The following PI4KB variants were observed in gnomAD, a reference collection of about 807,000 sequenced individuals.
PI4KB encodes PtdIns 4-kinase beta.
PI4KB carries 23 observed loss-of-function variants against 81.4 expected under a neutral mutation model. The observed-to-expected ratio is 0.28, with a 90% CI of 0.20 to 0.40. PI4KB has a LOEUF of 0.40. Ranked by LOEUF, PI4KB falls within the 10% of genes least tolerant of loss-of-function variation. The probability of loss-of-function intolerance (pLI) is 1.00; values close to 1 mark genes in which losing one functional copy is unlikely to be tolerated. For missense variants in PI4KB, 651 were observed against 1,036.6 expected (o/e 0.63, Z 5.11); for synonymous variants, 381 against 406.8 (o/e 0.94, Z 0.76).
chr1:151,321,957 A>C (rs1001629321), intron 1 of PI4KB, among the ~76,000 whole-genome samples: 18 of 152,198 alleles, frequency 1.2e-4, no homozygotes, highest in Non-Finnish European at 1.9e-4. Flanking sequence ...AGGTGAAGGA[A>C]AAAGTCCTGT....
At chr1:151,299,390 A>T in intron 8 of PI4KB, among the ~76,000 whole-genome samples, 1 of 152,164 alleles carries the variant, frequency 6.6e-6, no homozygotes, top group East Asian at 1.9e-4. Context: ...TCAAATAATA[A>T]GAAAAAAGAG....
At position 151,303,457 on chromosome 1, in the gene PI4KB, T is replaced by C. The variant is rs1028652939; in HGVS notation, c.1520+84A>G. The C allele has an allele frequency of 1.2e-5, 10 of 857,096 alleles. No individual in the cohort carries two copies. The African/African-American group carries it at 1.5e-4, about 13-fold the overall frequency. The allele number at this position is 857,096 out of a possible 1,614,324, so 53.1% of individuals were successfully genotyped here. On this transcript the variant is annotated intron_variant, in intron 6 of 11. Transcript: ENST00000368873. The stretch of plus-strand genomic sequence containing the variant: ...AAAGACACAGGCCAACAACAGATGA[T>C]TGAGATGGAGAGGAAGGTAACAAAG...
At chr1:151,301,742 C>T (rs1695303720) in intron 8 of PI4KB, 102 bp downstream of exon 8, 1 of 1,086,634 alleles carries the variant, frequency 9.2e-7, no homozygotes, top group South Asian at 1.4e-5. Flanking sequence ...CCATCTTGGC[C>T]AGGCTGATCT....
At position 151,306,223 on chromosome 1, in the gene PI4KB, C is replaced by A. The variant is rs1224942136; in HGVS notation, c.1323G>T (p.Gln441His). 9 of 1,614,066 alleles carry A rather than the reference C, an allele frequency of 5.6e-6. No homozygotes were observed. The highest frequency in any genetic ancestry group is 7.6e-6 in the Non-Finnish European group (9 of 1,180,054). The change falls in exon 5 of 12, where the codon CAG (glutamine) becomes CAT (histidine). Residue 441 changes from glutamine (Q) to histidine (H), a missense_variant. This residue lies in a region of PI4KB where 246 missense variants were observed against 430.1 expected (regional missense o/e 0.57). Transcript: ENST00000368873. ...NLPECGITHEQRAGSFSTVPN... is the reference protein window; with the variant it reads ...NLPECGITHEHRAGSFSTVPN... Reference sequence around the variant, plus strand: ...GCACAGTGCTGAAGCTGCCAGCTCGCTGCTCATGGGTAATACCACATTCGG... The same window carrying A: ...GCACAGTGCTGAAGCTGCCAGCTCGATGCTCATGGGTAATACCACATTCGG...
chr1:151,298,839 A>C lies in PI4KB; in HGVS notation c.1984T>G (p.Leu662Val). Residue 662 changes from leucine to valine, a missense_variant, in exon 9 of 12, where the codon TTG (leucine) becomes GTG (valine). Physicochemically the swap from Leu to Val is conservative, Grantham distance 32. Coordinates refer to ENST00000368873, the MANE Select transcript of PI4KB (RefSeq NM_001369623.2). ...TTGACTTGCAGCAGGTAGCAGACCA[A>C]GCAGTACCCAGCACAACTTTGCACA... The part of the protein sequence containing the change: ...NFVQSCAGYC[L>V]VCYLLQVKDR... 2 of 1,614,002 alleles carry C rather than the reference A, an allele frequency of 1.2e-6. No homozygotes were observed. The highest frequency in any genetic ancestry group is 8.5e-7 in the Non-Finnish European group (1 of 1,179,920).
In PI4KB at chr1:151,315,883, T is replaced by C; in HGVS notation, c.599A>G (p.His200Arg). ...VGDAIKPYIV[H>R]RCRQSINFSL... ...AAAGTTAATGCTCTGGCGGCAACGG[T>C]GGACTATGTAGGGCTTAATGGCATC... Residue 200 changes from histidine (H) to arginine (R), a missense_variant, in exon 2 of 12, where the codon CAC becomes CGC. His to Arg is a conservative substitution (Grantham distance 29). This residue lies in a region of PI4KB where 314 missense variants were observed against 397.8 expected (regional missense o/e 0.79). Transcript: ENST00000368873. 1.9e-6 allele frequency: 3 copies of C among 1,614,128 alleles called. No homozygotes were observed.
At position 151,292,064 on chromosome 1, in the gene PI4KB, G is replaced by GA. The variant is rs1694315208; in HGVS notation, c.*787_*788insT. Reference sequence around the variant, plus strand: ...TGCCTTTTGTATCTTGGACACTGAGGCATCCGTTCATACCTCATCACCCAT... The same window carrying GA: ...TGCCTTTTGTATCTTGGACACTGAGGACATCCGTTCATACCTCATCACCCAT... On this transcript the variant is annotated 3_prime_UTR_variant, in exon 12 of 12. Coordinates refer to ENST00000368873, the MANE Select transcript of PI4KB (RefSeq NM_001369623.2). 1.3e-5 allele frequency: 2 copies of GA among 152,098 alleles called. No homozygotes were observed. The highest frequency in any genetic ancestry group is 1.3e-4 in the Admixed American group (2 of 15,262). 9.4% of individuals were successfully genotyped at this position (152,098 alleles called of 1,614,324 possible). A position where few individuals can be genotyped will look rare whatever the true frequency, so the allele number is the denominator to read the frequency against.
chr1:151,300,752 G>A (rs899894460), intron 8 of PI4KB: 4 of 152,172 alleles, frequency 2.6e-5, no homozygotes. Flanking sequence ...CGGGAGTTCT[G>A]ACCTGCTCCA....
intron 1 of PI4KB, among the ~76,000 whole-genome samples, chr1:151,320,591 C>A (rs1648710946): frequency 6.6e-6 from 1 of 152,210 alleles, no homozygotes; most frequent in Non-Finnish European, 1.5e-5. Flanking sequence ...TTAGGTAGTG[C>A]CCTCTGAGCA....
intron 9 of PI4KB, among the ~76,000 whole-genome samples, chr1:151,295,543 C>T (rs960729984): frequency 6.6e-6 from 1 of 152,198 alleles, no homozygotes. Context: ...GCCATAGCCT[C>T]TCTTTTCACT....
At chr1:151,301,402 AT>A (rs773565435) in intron 8 of PI4KB, among the ~76,000 whole-genome samples, 37 of 146,484 alleles carry the variant, frequency 2.5e-4, no homozygotes, top group African/African-American at 4.6e-4. Context: ...TTTTATTTTT[AT>A]TTTTTTTTTT....
At chr1:151,324,751 C>T in intron 1 of PI4KB, 1 of 985,454 alleles carries the variant, frequency 1.0e-6, no homozygotes, top group African/African-American at 1.7e-5. Context: ...TCACCTCTCT[C>T]TGAATTGTTC....
chr1:151,312,334 A>G (rs1647252757), intron 2 of PI4KB, among the ~76,000 whole-genome samples: 1 of 152,122 alleles, frequency 6.6e-6, no homozygotes, highest in African/African-American at 2.4e-5. Context: ...CCTAAAAGAA[A>G]AGCAAGAGAC....
chr1:151,322,628 CT>C (rs754016419), intron 1 of PI4KB, among the ~76,000 whole-genome samples: 64 of 152,154 alleles, frequency 4.2e-4, no homozygotes, highest in Non-Finnish European at 8.7e-4. Flanking sequence ...CATAGAATGG[CT>C]TTAAGAGATC....
At chr1:151,319,902 C>G (rs1370013822) in intron 1 of PI4KB, among the ~76,000 whole-genome samples, 1 of 152,152 alleles carries the variant, frequency 6.6e-6, no homozygotes, top group Non-Finnish European at 1.5e-5. Context: ...ACCTTCAACC[C>G]CGGTGACCCT....
chr1:151,305,129 A>G (rs1695653389), intron 5 of PI4KB, among the ~76,000 whole-genome samples: 2 of 151,462 alleles, frequency 1.3e-5, no homozygotes, highest in Admixed American at 1.3e-4. Context: ...CGCACCCGGC[A>G]TAATTTTTCT....
chr1:151,299,149 C>T (rs1695041168), intron 8 of PI4KB, 76 bp from the exon 9 acceptor site: 1 of 1,282,320 alleles, frequency 7.8e-7, no homozygotes, highest in Non-Finnish European at 1.1e-6. Context: ...TCTTCCCTTT[C>T]TCCAGCCTCT....
Position 151,307,746 on chromosome 1 carries a change from T to C in PI4KB, c.1010A>G (p.Lys337Arg), listed in dbSNP as rs367965535. The stretch of plus-strand genomic sequence containing the variant: ...TTTGGTGGGGAGCGTGGCCAGCCGC[T>C]TGCCGATCGCCATCAGGGACTTGAT... ...EFIKSLMAIG[K>R]RLATLPTKEQ... Residue 337 changes from lysine to arginine, a missense_variant, in exon 4 of 12, where the codon AAG becomes AGG. Physicochemically the swap from Lys to Arg is conservative, Grantham distance 26. Around this residue, in one of 5 missense-constraint regions of PI4KB, gnomAD observed 246 missense variants for 430.1 expected, o/e 0.57. Transcript: ENST00000368873. 4 of 1,614,142 alleles carry C rather than the reference T, an allele frequency of 2.5e-6. No homozygotes were observed.
chr1:151,311,102 T>C lies in PI4KB; in HGVS notation c.910-847A>G, dbSNP rs139891148. ...AACATCACCCCATTGCTGTGTCATA[T>C]GTGTCCGTGTGCAAAAACAGGGGAA... On this transcript the variant is annotated intron_variant, in intron 2 of 11. Transcript: ENST00000368873. Among the ~76,000 whole-genome samples, 6 of 152,324 alleles carry C rather than the reference T, an allele frequency of 3.9e-5. No individual in the cohort carries two copies. In the East Asian group the frequency reaches 5.8e-4, roughly 15 times the overall value.
Sources: allele counts gnomAD v4.1 joint callset (sites outside exome capture counted in the v4.1 genomes callset), GRCh38; gene constraint gnomAD v4.1.1; regional missense constraint gnomAD v4.1.1; transcripts MANE v1.5; gene names NCBI Gene and HGNC (gene_info 2026-07-23, HGNC 2026-07-21).